Variants in CADM2 observed in about 807,000 individuals in gnomAD.
CADM2 encodes the protein immunoglobulin superfamily member 4D.
Under a neutral mutation model 49.8 loss-of-function variants are expected in CADM2, and 12 were observed. That is an observed-to-expected ratio of 0.24 (90% confidence interval 0.15 to 0.39). The LOEUF is 0.39. Ranked by LOEUF, CADM2 falls within the 10% of genes least tolerant of loss-of-function variation. The probability of loss-of-function intolerance (pLI) is 1.00; values close to 1 mark genes in which losing one functional copy is unlikely to be tolerated. For synonymous variants in CADM2, 214 were observed against 175.4 expected (o/e 1.22, Z -1.74); for missense variants, 378 against 492.3 (o/e 0.77, Z 2.20).
At chr3:85,175,041 C>A (rs2040740967) in intron 1 of CADM2, among the ~76,000 whole-genome samples, 1 of 152,090 alleles carries the variant, frequency 6.6e-6, no homozygotes, top group African/African-American at 2.4e-5. Context: ...TATCACTAGT[C>A]ATTAGCAAAA....
At chr3:85,007,399 T>C (rs906094723) in intron 1 of CADM2, among the ~76,000 whole-genome samples, 1 of 152,176 alleles carries the variant, frequency 6.6e-6, no homozygotes, top group Non-Finnish European at 1.5e-5. Flanking sequence ...CAAATGAGTG[T>C]GTCTGTGTTC....
intron 4 of CADM2, among the ~76,000 whole-genome samples, chr3:85,884,171 T>C (rs918367814): frequency 6.6e-6 from 1 of 152,170 alleles, no homozygotes; most frequent in Admixed American, 6.5e-5. Context: ...AGTGCCCCAA[T>C]CAGCTGAAAT....
intron 1 of CADM2, among the ~76,000 whole-genome samples, chr3:85,336,955 A>AAT (rs376069816): frequency 0.017 from 1,510 of 89,874 alleles, 33 homozygotes; most frequent in East Asian, 0.074. Flanking sequence ...ATATATATTT[A>AAT]ATATATATAT....
intron 8 of CADM2, among the ~76,000 whole-genome samples, chr3:86,035,652 A>C (rs1280830282): frequency 6.6e-6 from 1 of 152,080 alleles, no homozygotes; most frequent in Non-Finnish European, 1.5e-5. Context: ...AATCCCATTT[A>C]TAGCTCTTGA....
intron 1 of CADM2, among the ~76,000 whole-genome samples, chr3:85,488,724 G>T (rs558812098): frequency 6.6e-6 from 1 of 152,046 alleles, no homozygotes; most frequent in Non-Finnish European, 1.5e-5. Flanking sequence ...TAGATACGGG[G>T]TTTCACCATG....
chr3:85,204,580 T>C (rs893231441), intron 1 of CADM2, among the ~76,000 whole-genome samples: 6 of 152,224 alleles, frequency 3.9e-5, no homozygotes, highest in African/African-American at 1.4e-4. Context: ...TATAATGTAA[T>C]ATTTTTAAAA....
chr3:85,850,262 A>G (rs2075044753), intron 3 of CADM2, among the ~76,000 whole-genome samples: 1 of 151,868 alleles, frequency 6.6e-6, no homozygotes, highest in East Asian at 1.9e-4. Flanking sequence ...AACCAAGGCA[A>G]ACTTGATCAG....
chr3:85,476,897 A>AACACAC lies in CADM2; in HGVS notation c.62-249599_62-249594dup, dbSNP rs35319709. ...AATATAGTTAATAGCAAAGATTTTA[A>AACACAC]ACACACACACACACACACACACACA... On this transcript the variant is annotated intron_variant, in intron 1 of 9. Coordinates refer to ENST00000383699, the MANE Select transcript of CADM2 (RefSeq NM_001167675.2). Among the ~76,000 whole-genome samples, 818 of 146,000 alleles carry AACACAC rather than the reference A, an allele frequency of 5.6e-3. 9 individuals are homozygous for AACACAC. Among genetic ancestry groups the AACACAC allele is most frequent in the African/African-American group, 0.019 (768 of 39,854 alleles).
chr3:85,065,075 T>G (rs1045688677), intron 1 of CADM2, among the ~76,000 whole-genome samples: 9 of 152,110 alleles, frequency 5.9e-5, no homozygotes, highest in Non-Finnish European at 1.0e-4. Context: ...ATTGTAAAAT[T>G]TCTTTTTAAT....
chr3:85,592,175 A>T (rs982274769), intron 1 of CADM2, among the ~76,000 whole-genome samples: 1 of 152,038 alleles, frequency 6.6e-6, no homozygotes, highest in Admixed American at 6.6e-5. Flanking sequence ...GATGGAAAAC[A>T]GAACATTGAT....
chr3:85,923,035 G>C (rs2108507962), intron 6 of CADM2, among the ~76,000 whole-genome samples: 1 of 152,014 alleles, frequency 6.6e-6, no homozygotes, highest in East Asian at 1.9e-4. Context: ...ATGTTAGCGA[G>C]GATGGTCTTG....
intron 1 of CADM2, among the ~76,000 whole-genome samples, chr3:85,032,608 G>C (rs549768206): frequency 1.3e-5 from 2 of 152,226 alleles, no homozygotes; most frequent in African/African-American, 4.8e-5. Context: ...GCATTGCAAT[G>C]AAATATTTAC....
At chr3:84,995,368 G>A (rs559444202) in intron 1 of CADM2, among the ~76,000 whole-genome samples, 1 of 152,252 alleles carries the variant, frequency 6.6e-6, no homozygotes, top group Non-Finnish European at 1.5e-5. Context: ...TGTTATTCTT[G>A]CCAAATTTAA....
At chr3:85,818,847 A>G (rs542155324) in intron 3 of CADM2, among the ~76,000 whole-genome samples, 1 of 151,968 alleles carries the variant, frequency 6.6e-6, no homozygotes, top group South Asian at 2.1e-4. Flanking sequence ...GAAAACAGAG[A>G]AAGAATGTAT....
intron 1 of CADM2, among the ~76,000 whole-genome samples, chr3:85,342,671 G>A (rs1576381157): frequency 6.6e-6 from 1 of 152,006 alleles, no homozygotes; most frequent in East Asian, 1.9e-4. Context: ...ACAGGCCTCT[G>A]CTTTAAACTT....
At chr3:85,435,341 A>G (rs754058100) in intron 1 of CADM2, among the ~76,000 whole-genome samples, 4 of 152,144 alleles carry the variant, frequency 2.6e-5, no homozygotes, top group Non-Finnish European at 5.9e-5. Flanking sequence ...TGCAAACAAC[A>G]TGGACTCATC....
chr3:85,760,566 A>AAGAACAT (rs1577245722), intron 2 of CADM2, among the ~76,000 whole-genome samples: 1 of 152,162 alleles, frequency 6.6e-6, no homozygotes, highest in East Asian at 1.9e-4. Context: ...TTCATCATAA[A>AAGAACAT]AGAACATAAG....
At chr3:85,765,694 T>C (rs1410287748) in intron 2 of CADM2, among the ~76,000 whole-genome samples, 2 of 152,116 alleles carry the variant, frequency 1.3e-5, no homozygotes, top group Non-Finnish European at 2.9e-5. Flanking sequence ...TTATCATGTA[T>C]TTCTTATTTA....
chr3:84,959,164 G>C lies in CADM2; in HGVS notation c.-444G>C. ...CACCCCGGGCGCGAGCGGCAGTGCTGCTTGCTTGCTCCTCCTCTCCCCCAG... is the reference window on the plus strand; with the variant it reads ...CACCCCGGGCGCGAGCGGCAGTGCTCCTTGCTTGCTCCTCCTCTCCCCCAG... On this transcript the variant is annotated 5_prime_UTR_variant, in exon 1 of 10. Coordinates refer to ENST00000383699, the MANE Select transcript of CADM2 (RefSeq NM_001167675.2). 1 of 201,662 alleles carries C rather than the reference G, an allele frequency of 5.0e-6. No individual in the cohort carries two copies. The highest frequency in any genetic ancestry group is 7.2e-5 in the South Asian group (1 of 13,898). The allele number at this position is 201,662 out of a possible 1,614,324, so 12.5% of individuals were successfully genotyped here.
Sources: allele counts gnomAD v4.1 joint callset (sites outside exome capture counted in the v4.1 genomes callset), GRCh38; gene constraint gnomAD v4.1.1; transcripts MANE v1.5; gene names NCBI Gene and HGNC (gene_info 2026-07-23, HGNC 2026-07-21).